AIFM2: variants seen among roughly 807,000 people sequenced by gnomAD.
AIFM2 encodes the protein AIF family member 2, ferroptosis suppressor, also known as ferroptosis suppressor protein 1.
AIFM2 carries 38 observed loss-of-function variants against 35.7 expected under a neutral mutation model. The observed-to-expected ratio is 1.06, with a 90% confidence interval of 0.82 to 1.39. The LOEUF (loss-of-function observed/expected upper bound fraction) is 1.39, where lower values mean the gene tolerates loss of function less well. AIFM2 is among the 40% of genes most tolerant of loss of function. AIFM2 has a pLI of 0.00. For synonymous variants in AIFM2, 185 were observed against 203.5 expected (o/e 0.91, Z 0.77); for missense variants, 476 against 491.2 (o/e 0.97, Z 0.29).
At chr10:70,121,254 A>AAAATT in intron 3 of AIFM2, 43 bp from the exon 4 acceptor site, 1 of 1,280,134 alleles carries the variant, frequency 7.8e-7, no homozygotes, top group Non-Finnish European at 1.0e-6. Context: ...AAAAAAAAAG[A>AAAATT]TGAGGGTAGG....
At chr10:70,116,470 G>T (rs981412373) in intron 7 of AIFM2, 152 bp downstream of exon 7, 203 of 1,073,108 alleles carry the variant, frequency 1.9e-4, no homozygotes, top group South Asian at 3.3e-4. Flanking sequence ...GCTCAGCAAG[G>T]GTGGACCCTC....
chr10:70,115,105 C>T lies in AIFM2; in HGVS notation c.785G>A (p.Ser262Asn). 2.5e-6 allele frequency: 4 copies of T among 1,613,812 alleles called. No homozygotes were observed. In the South Asian group the frequency reaches 4.4e-5, roughly 18 times the overall value. Residue 262 changes from serine (S) to asparagine (N), a missense_variant, in exon 8 of 9, where the codon AGC becomes AAC. By Grantham distance (46) the Ser-to-Asn change is conservative. Coordinates refer to ENST00000307864, the MANE Select transcript of AIFM2 (RefSeq NM_032797.6). ...YRKAFESRLA[S>N]SGALRVNEHL... ...CTCGTTCACTCTCAGAGCACCACTGCTGGCTAGTCTGCTCTCTGCCAGAAG... is the reference window on the plus strand; with the variant it reads ...CTCGTTCACTCTCAGAGCACCACTGTTGGCTAGTCTGCTCTCTGCCAGAAG...
intron 3 of AIFM2, among the ~76,000 whole-genome samples, chr10:70,122,635 A>G (rs1164656215): frequency 1.3e-5 from 2 of 152,242 alleles, no homozygotes; most frequent in Non-Finnish European, 2.9e-5. Context: ...ATGTGGGACC[A>G]TGCGTGTGCC....
chr10:70,115,554 G>A (rs2072426876), intron 7 of AIFM2, among the ~76,000 whole-genome samples: 1 of 152,226 alleles, frequency 6.6e-6, no homozygotes, highest in Non-Finnish European at 1.5e-5. Context: ...ATCACTTGAG[G>A]CCAGGAGCTC....
intron 5 of AIFM2, among the ~76,000 whole-genome samples, chr10:70,120,120 A>C (rs945112212): frequency 6.6e-6 from 1 of 152,224 alleles, no homozygotes; most frequent in Admixed American, 6.5e-5. Flanking sequence ...TGCCAGCAAG[A>C]GGTAATCAAA....
chr10:70,126,710 G>A (rs564180104), intron 1 of AIFM2, among the ~76,000 whole-genome samples: 3 of 152,296 alleles, frequency 2.0e-5, no homozygotes, highest in South Asian at 2.1e-4. Flanking sequence ...TTAGAACTCC[G>A]GGCACTGTTC....
intron 5 of AIFM2, among the ~76,000 whole-genome samples, chr10:70,118,639 C>T (rs2072464520): frequency 6.6e-6 from 1 of 152,240 alleles, no homozygotes; most frequent in African/African-American, 2.4e-5. Context: ...AACTTTTTTA[C>T]TACTTCAGAC....
intron 3 of AIFM2, among the ~76,000 whole-genome samples, chr10:70,121,678 G>A (rs1457402360): frequency 4.1e-5 from 6 of 145,300 alleles, no homozygotes; most frequent in Admixed American, 3.4e-4. Context: ...CCACTGCACT[G>A]AGCAACATAC....
At chr10:70,116,474 G>A in intron 7 of AIFM2, 148 bp downstream of exon 7, 3 of 1,082,756 alleles carry the variant, frequency 2.8e-6, no homozygotes, top group African/African-American at 1.5e-5. Flanking sequence ...AGCAAGGGTG[G>A]ACCCTCACTG....
rs544370073 is a variant in AIFM2 at position 70,132,543 on chromosome 10, T to C, written c.-14+191A>G. On this transcript the variant is annotated intron_variant, in intron 1 of 8. Transcript: ENST00000307864. ...GGAGCACATCTCCCTGTTGCGTTTT[T>C]TGGGGGAGACAGAGAGGGGCGGGCC... Among the ~76,000 whole-genome samples the C allele has an allele frequency of 3.0e-4, 45 of 152,266 alleles. 1 individual carries two copies. The South Asian group carries it at 5.4e-3, about 18-fold the overall frequency.
chr10:70,123,829 C>G, intron 2 of AIFM2, 78 bp downstream of exon 2: 1 of 1,414,680 alleles, frequency 7.1e-7, no homozygotes, highest in South Asian at 1.6e-5. Flanking sequence ...GAGAAAACCA[C>G]CCCCAGCCCT....
At position 70,113,991 on chromosome 10, in the gene AIFM2, G is replaced by T. The variant is rs1365793907; in HGVS notation, c.*187C>A. 9.8e-6 allele frequency: 7 copies of T among 711,366 alleles called. No homozygotes were observed. The highest frequency in any genetic ancestry group is 8.3e-5 in the South Asian group (4 of 48,194). The allele number at this position is 711,366 out of a possible 1,614,324, so 44.1% of individuals were successfully genotyped here. Reference sequence around the variant, plus strand: ...CAAACCCAGAAAGTATCCTCTAAGGGGGGTATTTGTTTAATACCTCTCTCT... The same window carrying T: ...CAAACCCAGAAAGTATCCTCTAAGGTGGGTATTTGTTTAATACCTCTCTCT... On this transcript the variant is annotated 3_prime_UTR_variant, in exon 9 of 9. Coordinates refer to ENST00000307864, the MANE Select transcript of AIFM2 (RefSeq NM_032797.6).
intron 7 of AIFM2, 21 bp from the exon 8 acceptor site, chr10:70,115,141 G>A (rs757649397): frequency 2.1e-5 from 34 of 1,611,202 alleles, no homozygotes; most frequent in African/African-American, 4.0e-5. Context: ...AAATGACACC[G>A]AAACCAAGAC....
At position 70,115,160 on chromosome 10, in the gene AIFM2, G is replaced by A. The variant is rs373499422; in HGVS notation, c.770-40C>T. 10 of 1,599,250 alleles carry A rather than the reference G, an allele frequency of 6.3e-6. No individual in the cohort carries two copies. The African/African-American group carries it at 1.2e-4, about 19-fold the overall frequency. ...GACACCGAAACCAAGACACTGAGCT[G>A]CTGTGTTAAGTGGCCACCAGGAGGA... On this transcript the variant is annotated intron_variant, in intron 7 of 8. Coordinates refer to ENST00000307864, the MANE Select transcript of AIFM2 (RefSeq NM_032797.6).
intron 6 of AIFM2, 36 bp from the exon 7 acceptor site, chr10:70,116,810 A>G (rs1194037299): frequency 1.1e-5 from 17 of 1,610,034 alleles, no homozygotes; most frequent in Non-Finnish European, 1.4e-5. Context: ...GCTGGTGGGG[A>G]CAGGGACCCC....
intron 4 of AIFM2, among the ~76,000 whole-genome samples, chr10:70,120,830 G>A (rs1269626101): frequency 6.6e-6 from 1 of 151,554 alleles, no homozygotes; most frequent in Admixed American, 6.6e-5. Context: ...AGGAGTGGAA[G>A]GGACCCGTGA....
At position 70,113,836 on chromosome 10, in the gene AIFM2, A is replaced by G. The variant is rs1252356146; in HGVS notation, c.*342T>C. ...GCTCTAAATGGCACGCGTCATGACC[A>G]CAAGCACGTACACACACATGCACAT... On this transcript the variant is annotated 3_prime_UTR_variant, in exon 9 of 9. Transcript: ENST00000307864. The G allele has an allele frequency of 8.4e-6, 2 of 237,330 alleles. No homozygotes were observed. Among genetic ancestry groups the G allele is most frequent in the Admixed American group, 1.1e-4 (2 of 18,148 alleles). 14.7% of individuals were successfully genotyped at this position (237,330 alleles called of 1,614,324 possible). A position where few individuals can be genotyped will look rare whatever the true frequency, so the allele number is the denominator to read the frequency against.
In AIFM2 at chr10:70,117,854, C is replaced by T. The variant is rs564175211; in HGVS notation, c.574G>A (p.Val192Met). The change falls in exon 6 of 9, where the codon GTG becomes ATG. Residue 192 changes from valine (V) to methionine (M), a missense_variant. Val to Met is a conservative substitution (Grantham distance 21). Coordinates refer to ENST00000307864, the MANE Select transcript of AIFM2 (RefSeq NM_032797.6). This position sits in a 1 kb window ranked among gnomAD's most constrained non-coding sequence, Gnocchi z 4.7. ...CCCTTCCGGAGGAGGATCTCCTTCA[C>T]TTCCTGCCGGACGGAGGGCAGGAGC... ...KELLPSVRQE[V>M]KEILLRKGVQ... 29 of 1,605,406 alleles carry T rather than the reference C, an allele frequency of 1.8e-5. No individual in the cohort carries two copies. The African/African-American group carries it at 3.2e-4, about 18-fold the overall frequency.
At position 70,114,206 on chromosome 10, in the gene AIFM2, C is replaced by T. The variant is rs772700059; in HGVS notation, c.1094G>A (p.Trp365Ter). 1.9e-6 allele frequency: 3 copies of T among 1,613,250 alleles called. No individual in the cohort carries two copies. Residue 365 changes from tryptophan to a stop codon, truncating the protein, a stop_gained, in exon 9 of 9, where the codon TGG (tryptophan) becomes TAG (stop). Coordinates refer to ENST00000307864, the MANE Select transcript of AIFM2 (RefSeq NM_032797.6). LOFTEE classifies it high-confidence loss of function. ...KSRDLFVSTS[W>*]KTMRQSPP The stretch of plus-strand genomic sequence containing the variant: ...AGGTGGAGACTGCCTCATGGTTTTC[C>T]AGCTCGTAGAGACGAACAGGTCCCG...
Sources: gnomAD v4.1 joint callset for allele counts (sites outside exome capture counted in the v4.1 genomes callset) on GRCh38, gnomAD v4.1.1 for gene constraint, Gnocchi (gnomAD v3.1) non-coding constraint, MANE v1.5 for transcripts, NCBI Gene and HGNC (gene_info 2026-07-23, HGNC 2026-07-21) for gene names.